Variants in SYN3 observed in about 807,000 individuals in gnomAD.
The protein encoded by SYN3 is synapsin III.
A neutral mutation model predicts 65.8 loss-of-function variants in SYN3; 35 were observed. The observed-to-expected ratio is 0.53, with a 90% CI of 0.41 to 0.70. The LOEUF (loss-of-function observed/expected upper bound fraction) is 0.70. SYN3 is among the 30% of genes least tolerant of loss of function. The pLI is 0.00. For synonymous variants in SYN3, 270 were observed against 292.9 expected (o/e 0.92, Z 0.80); for missense variants, 680 against 749.0 (o/e 0.91, Z 1.08).
chr22:32,796,737 GA>G (rs1020393725), intron 6 of SYN3, among the ~76,000 whole-genome samples: 26 of 152,102 alleles, frequency 1.7e-4, no homozygotes, highest in African/African-American at 6.0e-4. Flanking sequence ...GTCTGGAGGG[GA>G]AGAGGGAGGA....
intron 6 of SYN3, among the ~76,000 whole-genome samples, chr22:32,802,883 G>A (rs568503878): frequency 6.6e-6 from 1 of 152,246 alleles, no homozygotes; most frequent in Non-Finnish European, 1.5e-5. Context: ...GTGGAAAACA[G>A]ATTTGTCACC....
At position 32,985,992 on chromosome 22, in the gene SYN3, A is replaced by G. The variant is rs539690699; in HGVS notation, c.312-5290T>C. On this transcript the variant is annotated intron_variant, in intron 2 of 13. Coordinates refer to ENST00000358763, the MANE Select transcript of SYN3 (RefSeq NM_003490.4). ...ACTTACAACCATTCCAGCCCTTACC[A>G]CTTCACGTTGTCATTACACATCACT... Among the ~76,000 whole-genome samples the G allele has an allele frequency of 1.6e-4, 25 of 151,530 alleles. No individual in the cohort carries two copies. In the South Asian group the frequency reaches 1.7e-3, roughly 10 times the overall value.
chr22:32,628,709 T>C (rs951446155), intron 6 of SYN3, among the ~76,000 whole-genome samples: 1 of 151,414 alleles, frequency 6.6e-6, no homozygotes, highest in Non-Finnish European at 1.5e-5. Flanking sequence ...GATCATGCCA[T>C]CGCACTCCAG....
At chr22:32,848,568 G>GT (rs1279119254) in intron 6 of SYN3, among the ~76,000 whole-genome samples, 6 of 152,116 alleles carry the variant, frequency 3.9e-5, no homozygotes, top group African/African-American at 1.2e-4. Context: ...CCCTTCCATG[G>GT]TTAGCCCATT....
intron 6 of SYN3, among the ~76,000 whole-genome samples, chr22:32,798,639 T>C (rs543128807): frequency 6.6e-6 from 1 of 152,070 alleles, no homozygotes; most frequent in South Asian, 2.1e-4. Context: ...AACTCTATCA[T>C]TGTTCTTAGC....
chr22:32,609,064 C>T (rs914389956), intron 6 of SYN3, among the ~76,000 whole-genome samples: 1 of 152,050 alleles, frequency 6.6e-6, no homozygotes, highest in Admixed American at 6.6e-5. Flanking sequence ...GTGGCTCACA[C>T]CTGTAATCCC....
intron 7 of SYN3, among the ~76,000 whole-genome samples, chr22:32,578,114 C>T (rs1032812998): frequency 5.9e-5 from 9 of 152,220 alleles, no homozygotes; most frequent in East Asian, 1.9e-4. Flanking sequence ...CTTCAATACA[C>T]GAATGAATGA....
chr22:32,739,860 T>G (rs984720285), intron 6 of SYN3, among the ~76,000 whole-genome samples: 8 of 152,366 alleles, frequency 5.3e-5, no homozygotes, highest in Middle Eastern at 6.8e-3. Flanking sequence ...CTAATGCCAG[T>G]GCTCTTTTCA....
rs368566146 is a variant in SYN3 at position 32,615,133 on chromosome 22, C to T, written c.712-18397G>A. On this transcript the variant is annotated intron_variant, in intron 6 of 13. Coordinates refer to ENST00000358763, the MANE Select transcript of SYN3 (RefSeq NM_003490.4). ...TCTTTGAAAGCTACAGATGGGAGGC[C>T]GGGTGCGAGTGGCTCATGCCTGTAA... Among the ~76,000 whole-genome samples the T allele has an allele frequency of 3.8e-3, 580 of 152,214 alleles. 7 individuals are homozygous for T. The highest frequency in any genetic ancestry group is 0.013 in the African/African-American group (553 of 41,542).
At chr22:32,747,519 C>T (rs2077169061) in intron 6 of SYN3, among the ~76,000 whole-genome samples, 1 of 152,112 alleles carries the variant, frequency 6.6e-6, no homozygotes, top group Non-Finnish European at 1.5e-5. Context: ...TATATTTAAT[C>T]TGATCGATGA....
chr22:32,927,463 TG>T (rs1355774804), intron 4 of SYN3, among the ~76,000 whole-genome samples: 1 of 151,958 alleles, frequency 6.6e-6, no homozygotes, highest in Non-Finnish European at 1.5e-5. Flanking sequence ...TTGCCCAGGC[TG>T]GTCTCAAACT....
At chr22:32,775,024 C>T (rs1206108616) in intron 6 of SYN3, among the ~76,000 whole-genome samples, 2 of 152,176 alleles carry the variant, frequency 1.3e-5, no homozygotes, top group Non-Finnish European at 2.9e-5. Flanking sequence ...TCTGTCTCAG[C>T]CTGCTTGGAC....
At chr22:32,858,247 A>G in intron 6 of SYN3, 1 of 1,508,306 alleles carries the variant, frequency 6.6e-7, no homozygotes, top group Non-Finnish European at 9.0e-7. Flanking sequence ...AAGGGTATGC[A>G]TGTGTTAGGC....
At chr22:32,556,543 G>A (rs1360197314) in intron 7 of SYN3, among the ~76,000 whole-genome samples, 1 of 152,070 alleles carries the variant, frequency 6.6e-6, no homozygotes, top group Non-Finnish European at 1.5e-5. Flanking sequence ...AAAATATACT[G>A]TGCTACCCCC....
At chr22:32,544,784 C>G (rs139383201) in intron 7 of SYN3, among the ~76,000 whole-genome samples, 5 of 152,284 alleles carry the variant, frequency 3.3e-5, no homozygotes, top group Admixed American at 3.3e-4. Flanking sequence ...TTTGCAGGGA[C>G]GGCTTGTTTA....
At chr22:32,670,926 A>G (rs1001900650) in intron 6 of SYN3, among the ~76,000 whole-genome samples, 1 of 152,350 alleles carries the variant, frequency 6.6e-6, no homozygotes, top group African/African-American at 2.4e-5. Context: ...GCACACCCCT[A>G]GGTGACCACT....
chr22:32,670,433 C>T (rs1419159830), intron 6 of SYN3, among the ~76,000 whole-genome samples: 1 of 152,166 alleles, frequency 6.6e-6, no homozygotes, highest in Non-Finnish European at 1.5e-5. Context: ...AAGCACAAAA[C>T]AGAGAGAGGA....
intron 6 of SYN3, among the ~76,000 whole-genome samples, chr22:32,728,655 T>C (rs987592240): frequency 6.6e-6 from 1 of 152,190 alleles, no homozygotes; most frequent in Non-Finnish European, 1.5e-5. Flanking sequence ...CATGAAAGTA[T>C]GACACAGATG....
intron 6 of SYN3, among the ~76,000 whole-genome samples, chr22:32,832,955 A>G (rs185292510): frequency 5.6e-4 from 85 of 151,748 alleles, no homozygotes; most frequent in Non-Finnish European, 1.9e-4. Context: ...CTGGTCTCGC[A>G]CTCCTGAGCT....
Sources: allele counts gnomAD v4.1 joint callset (sites outside exome capture counted in the v4.1 genomes callset), GRCh38; gene constraint gnomAD v4.1.1; transcripts MANE v1.5; gene names NCBI Gene and HGNC (gene_info 2026-07-23, HGNC 2026-07-21).